Variants in MMAA observed in about 807,000 individuals in gnomAD.
The protein encoded by MMAA is metabolism of cobalamin associated A.
MMAA carries 41 observed loss-of-function variants against 45.0 expected under a neutral mutation model. The observed-to-expected ratio is 0.91, with a 90% confidence interval of 0.71 to 1.18. The LOEUF (loss-of-function observed/expected upper bound fraction) is 1.18, where lower values mean the gene tolerates loss of function less well. Among genes scored for constraint, MMAA ranks in the 50% most tolerant of loss-of-function variants. The pLI is 0.00. For missense variants in MMAA, 460 were observed against 495.7 expected (o/e 0.93, Z 0.68); for synonymous variants, 154 against 178.2 (o/e 0.86, Z 1.08).
chr4:145,646,082 T>G lies in MMAA; in HGVS notation c.659T>G (p.Val220Gly), dbSNP rs941689476. ...PSPTRGTLGG[V>G]TRTTNEAILL... ...CCTACTAGAGGAACTTTAGGAGGCG[T>G]GACAAGGACCACAAATGAAGCTATT... Residue 220 changes from valine (V) to glycine (G), a missense_variant, in exon 4 of 7, where the codon GTG becomes GGG. Coordinates refer to ENST00000649156, the MANE Select transcript of MMAA (RefSeq NM_172250.3). 1 of 1,614,064 alleles carries G rather than the reference T, an allele frequency of 6.2e-7. No homozygotes were observed. Among genetic ancestry groups the G allele is most frequent in the South Asian group, 1.1e-5 (1 of 91,084 alleles).
At chr4:145,632,940 G>GTTTTTT (rs1727498192) in intron 1 of MMAA, among the ~76,000 whole-genome samples, 1 of 151,562 alleles carries the variant, frequency 6.6e-6, no homozygotes, top group South Asian at 2.1e-4. Context: ...TTGTAGAAAT[G>GTTTTTT]GGGTTTTGCC....
rs1041789707 is a variant in MMAA at position 145,655,644 on chromosome 4, C to A, written c.*210C>A. 1 of 496,450 alleles carries A rather than the reference C, an allele frequency of 2.0e-6. No individual in the cohort carries two copies. Among genetic ancestry groups the A allele is most frequent in the African/African-American group, 2.0e-5 (1 of 51,224 alleles). The allele number at this position is 496,450 out of a possible 1,614,324, so 30.8% of individuals were successfully genotyped here. A position where few individuals can be genotyped will look rare whatever the true frequency, so the allele number is the denominator to read the frequency against. ...GGTACCTGTTTTATGTTACTGATAT[C>A]TGTTTCCTTCTCTTCTTATACCCTG... On this transcript the variant is annotated 3_prime_UTR_variant, in exon 7 of 7. Transcript: ENST00000649156.
At chr4:145,655,109 T>G (rs1728188004) in intron 6 of MMAA, 38 bp from the exon 7 acceptor site, 1 of 1,612,544 alleles carries the variant, frequency 6.2e-7, no homozygotes, top group African/African-American at 1.3e-5. Flanking sequence ...TTTTCTATCA[T>G]TTTAAGTAAA....
Position 145,635,296 on chromosome 4 carries a change from A to G in MMAA, c.-65-3779A>G, listed in dbSNP as rs112276763. Among the ~76,000 whole-genome samples, 385 of 152,240 alleles carry G rather than the reference A, an allele frequency of 2.5e-3. 1 individual carries two copies. The highest frequency in any genetic ancestry group is 8.6e-3 in the African/African-American group (359 of 41,548). ...GCCTCTCTGGCTGGTTTAGTGGTTA[A>G]TAGTTCCTTCTGTGTGTGGTGCCAG... On this transcript the variant is annotated intron_variant, in intron 1 of 6. Coordinates refer to ENST00000649156, the MANE Select transcript of MMAA (RefSeq NM_172250.3).
At chr4:145,652,056 G>A (rs1244426808) in intron 5 of MMAA, among the ~76,000 whole-genome samples, 2 of 152,110 alleles carry the variant, frequency 1.3e-5, no homozygotes, top group Admixed American at 6.5e-5. Flanking sequence ...GAGTGACTCA[G>A]AGAACTCAGG....
chr4:145,650,941 A>G (rs1042544991), intron 4 of MMAA, 121 bp from the exon 5 acceptor site: 8 of 849,062 alleles, frequency 9.4e-6, no homozygotes, highest in Non-Finnish European at 1.6e-5. Flanking sequence ...TAAAGGAGTG[A>G]CCAGGTTGAC....
intron 4 of MMAA, among the ~76,000 whole-genome samples, chr4:145,648,644 ACT>A (rs1311176203): frequency 3.3e-5 from 5 of 152,074 alleles, no homozygotes; most frequent in African/African-American, 1.2e-4. Flanking sequence ...TTTCCCAGAA[ACT>A]CAAAATAACA....
At chr4:145,638,230 G>C (rs566150539) in intron 1 of MMAA, among the ~76,000 whole-genome samples, 1 of 152,150 alleles carries the variant, frequency 6.6e-6, no homozygotes, top group Non-Finnish European at 1.5e-5. Context: ...TTAGCCGGGC[G>C]TGGTTGCAGG....
At chr4:145,651,172 A>C (rs201234437) in intron 5 of MMAA, 25 bp downstream of exon 5, 56 of 1,580,410 alleles carry the variant, frequency 3.5e-5, no homozygotes, top group East Asian at 8.9e-5. Flanking sequence ...TTTTTCCCCC[A>C]AAAATATAAA....
chr4:145,628,745 A>G (rs1349999933), intron 1 of MMAA, among the ~76,000 whole-genome samples: 2 of 152,232 alleles, frequency 1.3e-5, no homozygotes, highest in Non-Finnish European at 2.9e-5. Context: ...GGGAGCCATT[A>G]TTCTGCCTAT....
At chr4:145,631,066 A>G (rs1409462067) in intron 1 of MMAA, among the ~76,000 whole-genome samples, 4 of 152,204 alleles carry the variant, frequency 2.6e-5, no homozygotes, top group Non-Finnish European at 5.9e-5. Flanking sequence ...TTGTGAGCTA[A>G]CATGTAGTCT....
At chr4:145,645,902 C>T in intron 3 of MMAA, 84 bp from the exon 4 acceptor site, 1 of 1,310,716 alleles carries the variant, frequency 7.6e-7, no homozygotes, top group African/African-American at 1.4e-5. Flanking sequence ...GGAGAAATGG[C>T]ATAAAGCACT....
intron 1 of MMAA, chr4:145,626,128 C>T: frequency 3.8e-6 from 2 of 526,350 alleles, no homozygotes; most frequent in South Asian, 3.9e-5. Flanking sequence ...ACCTAGGGCC[C>T]AAAGCTGATT....
Position 145,642,361 on chromosome 4 carries a change from A to G in MMAA, c.440-2A>G, listed in dbSNP as rs1560797350. 1 of 1,613,890 alleles carries G rather than the reference A, an allele frequency of 6.2e-7. No individual in the cohort carries two copies. The highest frequency in any genetic ancestry group is 8.5e-7 in the Non-Finnish European group (1 of 1,179,954). On this transcript the variant is annotated splice_acceptor_variant, in intron 2 of 6. Transcript: ENST00000649156. LOFTEE classifies it high-confidence loss of function. ...GAATTAGAAGATCTCTTTCCACCGT[A>G]GGATTGTCTGGGCCCCCTGGTGCTG...
intron 3 of MMAA, 165 bp downstream of exon 3, chr4:145,642,650 G>A (rs1198487219): frequency 9.9e-7 from 1 of 1,005,798 alleles, no homozygotes; most frequent in Admixed American, 1.8e-5. Flanking sequence ...AAGTAGTTTG[G>A]GAGTGTTGTA....
intron 3 of MMAA, 147 bp from the exon 4 acceptor site, chr4:145,645,839 A>G (rs1727915022): frequency 1.4e-6 from 1 of 711,076 alleles, no homozygotes; most frequent in African/African-American, 1.8e-5. Flanking sequence ...ACATCATTGT[A>G]TACAATGAGT....
intron 1 of MMAA, among the ~76,000 whole-genome samples, chr4:145,622,649 A>C (rs1000226779): frequency 6.6e-6 from 1 of 152,240 alleles, no homozygotes; most frequent in African/African-American, 2.4e-5. Context: ...CATCAATGCA[A>C]AATAATGTTT....
At chr4:145,650,995 T>A (rs759994810) in intron 4 of MMAA, 67 bp from the exon 5 acceptor site, 2 of 1,372,774 alleles carry the variant, frequency 1.5e-6, no homozygotes, top group East Asian at 4.6e-5. Flanking sequence ...ATGGAAATGG[T>A]CAATGTAGTT....
chr4:145,633,196 C>G (rs373041209), intron 1 of MMAA, among the ~76,000 whole-genome samples: 2 of 88,476 alleles, frequency 2.3e-5, no homozygotes, highest in Non-Finnish European at 4.4e-5. Context: ...ATTTCTTTTT[C>G]TTTTTTTTTT....
Sources: gnomAD v4.1 joint callset for allele counts (sites outside exome capture counted in the v4.1 genomes callset) on GRCh38, gnomAD v4.1.1 for gene constraint, MANE v1.5 for transcripts, NCBI Gene and HGNC (gene_info 2026-07-23, HGNC 2026-07-21) for gene names.